Variants in NT5DC2 observed in about 807,000 individuals in gnomAD.
NT5DC2 encodes the protein 5'-nucleotidase domain-containing protein 2.
In NT5DC2, 41 loss-of-function variants were observed where a neutral mutation model predicts 70.0. The observed-to-expected ratio is 0.59, with a 90% CI of 0.46 to 0.76. NT5DC2 has a LOEUF of 0.76. Ranked by LOEUF, NT5DC2 falls within the 30% of genes least tolerant of loss-of-function variation. NT5DC2 has a pLI of 0.00. For missense variants in NT5DC2, 705 were observed against 783.2 expected (o/e 0.90, Z 1.19); for synonymous variants, 299 against 310.4 (o/e 0.96, Z 0.39).
rs576338420 is a variant in NT5DC2 at position 52,528,070 on chromosome 3, C to T, written c.775G>A (p.Ala259Thr). 8.1e-6 allele frequency: 13 copies of T among 1,612,224 alleles called. No individual in the cohort carries two copies. The highest frequency in any genetic ancestry group is 2.7e-5 in the African/African-American group (2 of 74,930). ...CCCTTCACATGCACGTCTCGGATGG[C>T]GTCCTGGGGGCAGTGGAGGACAATG... Reference protein sequence around the residue: ...QAHLYKDVTDAIRDVHVKGLM... With the variant: ...QAHLYKDVTDTIRDVHVKGLM... The change falls in exon 7 of 14, where the codon GCC (alanine) becomes ACC (threonine). Residue 259 changes from alanine (A) to threonine (T), a missense_variant. By Grantham distance (58) the Ala-to-Thr change is moderately conservative (BLOSUM62 0). Coordinates refer to ENST00000422318, the MANE Select transcript of NT5DC2 (RefSeq NM_001134231.2).
rs1465225280 is a variant in NT5DC2, at chr3:52,529,605, G to A, written c.233-271C>T. 6.6e-6 allele frequency among the ~76,000 whole-genome samples: 1 copy of A among 152,040 alleles called. No homozygotes were observed. The highest frequency in any genetic ancestry group is 1.5e-5 in the Non-Finnish European group (1 of 68,002). On this transcript the variant is annotated intron_variant, in intron 1 of 13. Transcript: ENST00000422318. This position sits in a 1 kb window ranked among gnomAD's most constrained non-coding sequence, Gnocchi z 4.1. ...TACACTATCTCCTATAGCCCACCAG[G>A]TATACTGAGCCCGTGACTACTCCAG... is the stretch of plus-strand genomic sequence containing the variant.
chr3:52,531,530 G>T lies in NT5DC2; in HGVS notation c.232+1976C>A, dbSNP rs1232701328. Among the ~76,000 whole-genome samples, 1 of 152,018 alleles carries T rather than the reference G, an allele frequency of 6.6e-6. No homozygotes were observed. The highest frequency in any genetic ancestry group is 1.5e-5 in the Non-Finnish European group (1 of 68,016). On this transcript the variant is annotated intron_variant, in intron 1 of 13. Coordinates refer to ENST00000422318, the MANE Select transcript of NT5DC2 (RefSeq NM_001134231.2). The surrounding 1 kb of genome is among the most constrained non-coding windows in gnomAD (Gnocchi z 4.1). Reference sequence around the variant, plus strand: ...CTCTGCCCCTAAGGATGTTCCCAGGGGCCCAGGGGCAGACAGTCCTCCCAG... The same window carrying T: ...CTCTGCCCCTAAGGATGTTCCCAGGTGCCCAGGGGCAGACAGTCCTCCCAG...
chr3:52,532,338 C>T (rs7614424), intron 1 of NT5DC2: 83,640 of 985,298 alleles, frequency 0.085, 3,765 homozygotes, highest in African/African-American at 0.12. Flanking sequence ...TTCTCCGGGC[C>T]CAGAGCAAAG....
rs2079393583 is a variant in NT5DC2 at position 52,533,775 on chromosome 3, G to GCCCGCCC, written c.-39_-38insGGGCGGG. ...CCGCCCGCCGCCCGCGCTGCCCTCG[G>GCCCGCCC]CCAGCCCGCCGCCCGCCGCCCGCCG... On this transcript the variant is annotated 5_prime_UTR_variant, in exon 1 of 14. Transcript: ENST00000422318. The GCCCGCCC allele has an allele frequency of 1.1e-6, 1 of 911,462 alleles. No homozygotes were observed. The highest frequency in any genetic ancestry group is 2.7e-5 in the African/African-American group (1 of 37,656). The allele number at this position is 911,462 out of a possible 1,614,324, so 56.5% of individuals were successfully genotyped here.
At chr3:52,528,795 G>A (rs2079319229) in intron 3 of NT5DC2, 66 bp downstream of exon 3, 13 of 1,599,500 alleles carry the variant, frequency 8.1e-6, no homozygotes, top group African/African-American at 1.3e-5. Context: ...TGGATGGGAC[G>A]GAGGGGTAAT....
Position 52,528,670 on chromosome 3 carries a change from G to T in NT5DC2, c.515C>A (p.Ala172Asp). Residue 172 changes from alanine (A) to aspartate (D), a missense_variant, in exon 4 of 14, where the codon GCC becomes GAC. Transcript: ENST00000422318. ...IQKSLLMKID[A>D]FHYVQLGTAY... Reference sequence around the variant, plus strand: ...TGTCCCCAGCTGCACGTAGTGGAAGGCGTCAATCTTCATCAGAAGGCTCTG... The same window carrying T: ...TGTCCCCAGCTGCACGTAGTGGAAGTCGTCAATCTTCATCAGAAGGCTCTG... 6.3e-7 allele frequency: 1 copy of T among 1,594,322 alleles called. No homozygotes were observed. The highest frequency in any genetic ancestry group is 8.5e-7 in the Non-Finnish European group (1 of 1,170,902).
chr3:52,529,166 AG>A lies in NT5DC2; in HGVS notation c.400del (p.Leu134Ter). On this transcript the variant is annotated frameshift_variant, in exon 2 of 14. Transcript: ENST00000422318. LOFTEE classifies it high-confidence loss of function. This position sits in a 1 kb window ranked among gnomAD's most constrained non-coding sequence, Gnocchi z 4.1. ...CCGTCTCACCTTGTAGTGCTCGATC[AG>A]GATGTCACGGGCGGTACTGAAGATC... The part of the protein sequence containing the change: ...PEIFSTARDI[L>X]IEHYKYPEGI... 1 of 1,614,028 alleles carries A rather than the reference AG, an allele frequency of 6.2e-7. No individual in the cohort carries two copies.
rs368222899 is a variant in NT5DC2, at chr3:52,524,985, G to A, written c.1325C>T (p.Thr442Met). 13 of 1,610,904 alleles carry A rather than the reference G, an allele frequency of 8.1e-6. No individual in the cohort carries two copies. The African/African-American group carries it at 9.3e-5, about 12-fold the overall frequency. The change falls in exon 12 of 14, where the codon ACG becomes ATG. Residue 442 changes from threonine to methionine, a missense_variant. Physicochemically the swap from Thr to Met is moderately conservative, Grantham distance 81. Coordinates refer to ENST00000422318, the MANE Select transcript of NT5DC2 (RefSeq NM_001134231.2). The part of the protein sequence containing the change: ...MHSLTWQQAL[T>M]GLLERMQTYQ... ...CACCTGCATGCGCTCCAGCAGCCCC[G>A]TGAGCGCCTGCTGCCACGTCAGCGA...
At position 52,524,578 on chromosome 3, in the gene NT5DC2, G is replaced by A. The variant is rs774340296; in HGVS notation, c.1566C>T (p.Phe522=). 6.2e-7 allele frequency: 1 copy of A among 1,613,186 alleles called. No individual in the cohort carries two copies. Residue 522 remains phenylalanine (F), a synonymous_variant, in exon 14 of 14, where the codon TTC becomes TTT. Coordinates refer to ENST00000422318, the MANE Select transcript of NT5DC2 (RefSeq NM_001134231.2). The part of the protein sequence containing the change: ...CLLNYRVDFT[F]YPRRTPLQHE... ...GCTGCAGCGGCGTACGGCGTGGGTA[G>A]AAGGTGAAGTCCACGCGGTAGTTGA...
At position 52,529,258 on chromosome 3, in the gene NT5DC2, G is replaced by A. The variant is rs762216017; in HGVS notation, c.309C>T (p.Asp103=). Residue 103 remains aspartate (D), a synonymous_variant, in exon 2 of 14, where the codon GAC becomes GAT. Coordinates refer to ENST00000422318, the MANE Select transcript of NT5DC2 (RefSeq NM_001134231.2). The surrounding 1 kb of genome is among the most constrained non-coding windows in gnomAD (Gnocchi z 4.1). ...IYANNEISLR[D]VEVYGFDYDY... ...CGTAGTCAAAGCCGTAGACCTCAAC[G>A]TCACGCAGGCTGATCTCGTTGTTGG... 8 of 1,613,882 alleles carry A rather than the reference G, an allele frequency of 5.0e-6. No individual in the cohort carries two copies. Among genetic ancestry groups the A allele is most frequent in the African/African-American group, 2.7e-5 (2 of 74,886 alleles).
At chr3:52,528,573 A>G in intron 4 of NT5DC2, 34 bp from the exon 5 acceptor site, 1 of 1,198,558 alleles carries the variant, frequency 8.3e-7, no homozygotes, top group Non-Finnish European at 1.1e-6. Context: ...AGTCCAAGGT[A>G]GTCCTGAGCC....
intron 13 of NT5DC2, 21 bp downstream of exon 13, chr3:52,524,796 G>C (rs1199014807): frequency 6.2e-7 from 1 of 1,612,398 alleles, no homozygotes; most frequent in African/African-American, 1.3e-5. Context: ...TGGGACTCCT[G>C]CCCTGGCCCC....
At position 52,524,812 on chromosome 3, in the gene NT5DC2, C is replaced by T. The variant is rs1161744177; in HGVS notation, c.1412+5G>A. On this transcript the variant is annotated splice_donor_5th_base_variant and intron_variant, in intron 13 of 13. Transcript: ENST00000422318. ...GGGACTCCTGCCCTGGCCCCACCTG[C>T]TCACCTCAGCTCCTGCCGCTCTTTC... The T allele has an allele frequency of 1.2e-6, 2 of 1,612,532 alleles. No individual in the cohort carries two copies. The highest frequency in any genetic ancestry group is 1.1e-5 in the South Asian group (1 of 91,074).
In NT5DC2 at chr3:52,529,962, T is replaced by C. The variant is rs1351793714; in HGVS notation, c.233-628A>G. 1 of 153,686 alleles carries C rather than the reference T, an allele frequency of 6.5e-6. No individual in the cohort carries two copies. Among genetic ancestry groups the C allele is most frequent in the Non-Finnish European group, 1.4e-5 (1 of 69,058 alleles). The allele number at this position is 153,686 out of a possible 1,614,324, so 9.5% of individuals were successfully genotyped here. On this transcript the variant is annotated intron_variant, in intron 1 of 13. Coordinates refer to ENST00000422318, the MANE Select transcript of NT5DC2 (RefSeq NM_001134231.2). The surrounding 1 kb of genome is among the most constrained non-coding windows in gnomAD (Gnocchi z 4.1). ...CAGACTAGGGGGTTGAGGCCATGGA[T>C]GCTGACTTTTCTACCTTGCCCAGAG...
chr3:52,524,948 C>A lies in NT5DC2; in HGVS notation c.1347+15G>T, dbSNP rs1471808911. The A allele has an allele frequency of 6.2e-7, 1 of 1,612,082 alleles. No individual in the cohort carries two copies. Among genetic ancestry groups the A allele is most frequent in the Non-Finnish European group, 8.5e-7 (1 of 1,179,778 alleles). ...GCTACCGCCCTGGCCCTCCCACAGC[C>A]ACCCCGGCCCACACCTGCATGCGCT... On this transcript the variant is annotated intron_variant, in intron 12 of 13. Transcript: ENST00000422318.
chr3:52,534,563 C>T, upstream of NT5DC2: 1 of 1,613,684 alleles, frequency 6.2e-7, no homozygotes, highest in African/African-American at 1.3e-5. Flanking sequence ...GGCGCACGCC[C>T]CTCGTGAGAT....
In NT5DC2 at chr3:52,529,060, G is replaced by GC; in HGVS notation, c.417+89dup. On this transcript the variant is annotated intron_variant, in intron 2 of 13. Transcript: ENST00000422318. This position sits in a 1 kb window ranked among gnomAD's most constrained non-coding sequence, Gnocchi z 4.1. ...GCTGCCAGGCAAGAGGGCCAGGGGA[G>GC]CCCCACGACTCAGCCCTGAGCTTAG... 1 of 1,589,592 alleles carries GC rather than the reference G, an allele frequency of 6.3e-7. No homozygotes were observed. Among genetic ancestry groups the GC allele is most frequent in the South Asian group, 1.1e-5 (1 of 90,078 alleles).
chr3:52,524,421 G>A lies in NT5DC2; in HGVS notation c.*49C>T. 1.2e-6 allele frequency: 2 copies of A among 1,611,900 alleles called. No individual in the cohort carries two copies. The highest frequency in any genetic ancestry group is 1.7e-6 in the Non-Finnish European group (2 of 1,179,044). On this transcript the variant is annotated 3_prime_UTR_variant, in exon 14 of 14. Coordinates refer to ENST00000422318, the MANE Select transcript of NT5DC2 (RefSeq NM_001134231.2). ...GACCACTTTTATTGCTTGTCTGGGT[G>A]GATGGGGCAGGAGGGGCTGAGGGCC...
At position 52,533,633 on chromosome 3, in the gene NT5DC2, G is replaced by T; in HGVS notation, c.105C>A (p.Gly35=). ...ASSSPSCPGC[G]PPGPGAHCPG... The stretch of plus-strand genomic sequence containing the variant: ...GGCAGTGGGCGCCGGGACCCGGGGG[G>T]CCGCACCCAGGGCAGGAGGGCGAGG... Residue 35 remains glycine (G), a synonymous_variant, in exon 1 of 14, where the codon GGC becomes GGA. Coordinates refer to ENST00000422318, the MANE Select transcript of NT5DC2 (RefSeq NM_001134231.2). 1 of 1,215,550 alleles carries T rather than the reference G, an allele frequency of 8.2e-7. No homozygotes were observed. The highest frequency in any genetic ancestry group is 1.0e-6 in the Non-Finnish European group (1 of 977,880). The allele number at this position is 1,215,550 out of a possible 1,614,324, so 75.3% of individuals were successfully genotyped here. A position where few individuals can be genotyped will look rare whatever the true frequency, so the allele number is the denominator to read the frequency against.
Sources: allele counts gnomAD v4.1 joint callset (sites outside exome capture counted in the v4.1 genomes callset), GRCh38; gene constraint gnomAD v4.1.1; non-coding constraint Gnocchi (gnomAD v3.1); transcripts MANE v1.5; gene names NCBI Gene and HGNC (gene_info 2026-07-23, HGNC 2026-07-21).